The following KIF22 variants were observed in gnomAD, a reference collection of about 807,000 sequenced individuals.
The protein encoded by KIF22 is kinesin family member 22.
A neutral mutation model predicts 73.0 loss-of-function variants in KIF22; 62 were observed. The ratio of observed to expected loss-of-function variants is 0.85; its 90% CI spans 0.69 to 1.05. KIF22 has a LOEUF of 1.05. KIF22 is among the 50% of genes least tolerant of loss of function. The pLI is 0.00. For synonymous variants in KIF22, 411 were observed against 340.1 expected (o/e 1.21, Z -2.29); for missense variants, 854 against 870.1 (o/e 0.98, Z 0.23).
At position 29,803,551 on chromosome 16, in the gene KIF22, C is replaced by A. The variant is rs139450040; in HGVS notation, c.1552C>A (p.Arg518Ser). Reference protein sequence around the residue: ...CPTMLRPLSHRTVTGAKPLKK... With the variant: ...CPTMLRPLSHSTVTGAKPLKK... ...CACAATGCTCCGGCCCCTTTCACATCGCACAGTCACAGGGGCAAAGCCCCT... is the reference window on the plus strand; with the variant it reads ...CACAATGCTCCGGCCCCTTTCACATAGCACAGTCACAGGGGCAAAGCCCCT... The change falls in exon 10 of 14, where the codon CGC (arginine) becomes AGC (serine). Residue 518 changes from arginine (R) to serine (S), a missense_variant. By Grantham distance (110) the Arg-to-Ser change is moderately radical. Around this residue, in one of 3 missense-constraint regions of KIF22, gnomAD observed 423 missense variants for 365.4 expected, o/e 1.16. Transcript: ENST00000160827. The A allele has an allele frequency of 6.2e-7, 1 of 1,613,822 alleles. No homozygotes were observed. Among genetic ancestry groups the A allele is most frequent in the Admixed American group, 1.7e-5 (1 of 60,010 alleles).
intron 1 of KIF22, chr16:29,791,402 C>A: frequency 3.9e-6 from 1 of 257,882 alleles, no homozygotes; most frequent in Non-Finnish European, 6.1e-6. Context: ...TTCACTCTAG[C>A]ATGGAAGTGA....
At position 29,799,260 on chromosome 16, in the gene KIF22, C is replaced by T. The variant is rs1228053012; in HGVS notation, c.760-4C>T. ...AAGCACGAGACCTTTGTTCTTACCCCCAGGTGGACCAGCGGGAACGTTTGG... is the reference window on the plus strand; with the variant it reads ...AAGCACGAGACCTTTGTTCTTACCCTCAGGTGGACCAGCGGGAACGTTTGG... On this transcript the variant is annotated splice_polypyrimidine_tract_variant and splice_region_variant and intron_variant, in intron 5 of 13. Transcript: ENST00000160827. 2 of 1,613,026 alleles carry T rather than the reference C, an allele frequency of 1.2e-6. No individual in the cohort carries two copies. The highest frequency in any genetic ancestry group is 2.2e-5 in the East Asian group (1 of 44,878).
Position 29,798,953 on chromosome 16 carries a change from T to C in KIF22, c.550-22T>C. On this transcript the variant is annotated intron_variant, in intron 4 of 13. Transcript: ENST00000160827. This position sits in a 1 kb window ranked among gnomAD's most constrained non-coding sequence, Gnocchi z 4.1. ...ACAGCCTCTCTATGGAGAATTGCCCTTCCCCTTCACTGCTTACACAGGTAT... is the reference window on the plus strand; with the variant it reads ...ACAGCCTCTCTATGGAGAATTGCCCCTCCCCTTCACTGCTTACACAGGTAT... 1.2e-6 allele frequency: 2 copies of C among 1,610,464 alleles called. No homozygotes were observed. The highest frequency in any genetic ancestry group is 1.7e-6 in the Non-Finnish European group (2 of 1,176,670).
chr16:29,803,376 C>T, intron 9 of KIF22, 73 bp from the exon 10 acceptor site: 1 of 1,576,160 alleles, frequency 6.3e-7, no homozygotes, highest in Non-Finnish European at 8.6e-7. Context: ...TGCATACTCA[C>T]CCTGGTAACC....
chr16:29,790,807 A>T lies in KIF22; in HGVS notation c.48A>T (p.Ala16=), dbSNP rs1567354827. ...AGCAGAGGCGACGCGAGATGGCGGC[A>T]GCTTCAGCGGCGGCGATCTCAGGTA... ...STQQRRREMA[A]ASAAAISGAG... Residue 16 remains alanine (A), a synonymous_variant, in exon 1 of 14, where the codon GCA becomes GCT. Transcript: ENST00000160827. The T allele has an allele frequency of 6.2e-7, 1 of 1,604,976 alleles. No homozygotes were observed. The highest frequency in any genetic ancestry group is 1.7e-5 in the Admixed American group (1 of 59,000).
intron 8 of KIF22, among the ~76,000 whole-genome samples, chr16:29,802,204 G>A (rs1899161956): frequency 6.9e-6 from 1 of 144,978 alleles, no homozygotes; most frequent in African/African-American, 2.6e-5. Context: ...GGAGGCCAAG[G>A]CTATAGTGAG....
At chr16:29,800,401 G>T (rs917241840) in intron 8 of KIF22, among the ~76,000 whole-genome samples, 1 of 152,040 alleles carries the variant, frequency 6.6e-6, no homozygotes, top group Non-Finnish European at 1.5e-5. Flanking sequence ...AGGTTGCAGT[G>T]AGCTGAGATT....
chr16:29,794,914 T>C (rs1391503396), intron 1 of KIF22, among the ~76,000 whole-genome samples: 2 of 152,014 alleles, frequency 1.3e-5, no homozygotes, highest in Admixed American at 6.6e-5. Flanking sequence ...CCAACCTTAT[T>C]TTACAGACAA....
rs757760923 is a variant in KIF22, at chr16:29,796,852, C to A, written c.71-41C>A. 3.1e-6 allele frequency: 5 copies of A among 1,601,280 alleles called. No homozygotes were observed. The South Asian group carries it at 4.4e-5, about 14-fold the overall frequency. ...AAGTTGGTCCCTGCTTCTTCTGCTA[C>A]CACCATACTTCATGTCTAAAAGTGA... On this transcript the variant is annotated intron_variant, in intron 1 of 13. Coordinates refer to ENST00000160827, the MANE Select transcript of KIF22 (RefSeq NM_007317.3).
At chr16:29,791,667 C>T (rs548328218) in intron 1 of KIF22, among the ~76,000 whole-genome samples, 2 of 152,332 alleles carry the variant, frequency 1.3e-5, no homozygotes, top group South Asian at 4.1e-4. Flanking sequence ...TTATTGTCCA[C>T]ACAATGCTAT....
intron 1 of KIF22, among the ~76,000 whole-genome samples, chr16:29,793,125 A>AG (rs1194985798): frequency 6.6e-6 from 1 of 152,282 alleles, no homozygotes; most frequent in African/African-American, 2.4e-5. Context: ...GAGATGGGGA[A>AG]GGAGGGTTCA....
Position 29,803,564 on chromosome 16 carries a change from G to A in KIF22, c.1565G>A (p.Gly522Glu), listed in dbSNP as rs1234228163. Reference sequence around the variant, plus strand: ...CCCCTTTCACATCGCACAGTCACAGGGGCAAAGCCCCTGAAAAAGGCTGTG... The same window carrying A: ...CCCCTTTCACATCGCACAGTCACAGAGGCAAAGCCCCTGAAAAAGGCTGTG... ...LRPLSHRTVT[G>E]AKPLKKAVVM... is the part of the protein sequence containing the mutation. The change falls in exon 10 of 14, where the codon GGG becomes GAG. Residue 522 changes from glycine to glutamate, a missense_variant. By Grantham distance (98) the Gly-to-Glu change is moderately conservative (BLOSUM62 -2). This residue lies in a region of KIF22 where 423 missense variants were observed against 365.4 expected (regional missense o/e 1.16). Transcript: ENST00000160827. 1.2e-6 allele frequency: 2 copies of A among 1,613,198 alleles called. No individual in the cohort carries two copies. Among genetic ancestry groups the A allele is most frequent in the African/African-American group, 2.7e-5 (2 of 74,918 alleles).
At chr16:29,802,569 C>T (rs1022982554) in intron 8 of KIF22, among the ~76,000 whole-genome samples, 200 bp from the exon 9 acceptor site, 1 of 152,116 alleles carries the variant, frequency 6.6e-6, no homozygotes, top group Non-Finnish European at 1.5e-5. Flanking sequence ...CTCAAGTGTT[C>T]GCCTGATTTC....
rs754495075 is a variant in KIF22 at position 29,798,552 on chromosome 16, C to T, written c.395-41C>T. ...TATGGGTCAGAAAGGGCTGGGGAAA[C>T]GGAGAGGAAAACCTCACAGTTTTCT... On this transcript the variant is annotated intron_variant, in intron 3 of 13. Coordinates refer to ENST00000160827, the MANE Select transcript of KIF22 (RefSeq NM_007317.3). This position sits in a 1 kb window ranked among gnomAD's most constrained non-coding sequence, Gnocchi z 4.1. 2.5e-5 allele frequency: 41 copies of T among 1,613,612 alleles called. No individual in the cohort carries two copies. The highest frequency in any genetic ancestry group is 1.8e-4 in the East Asian group (8 of 44,890).
chr16:29,800,352 G>C (rs1029260532), intron 8 of KIF22: 1 of 227,022 alleles, frequency 4.4e-6, no homozygotes, highest in Non-Finnish European at 8.8e-6. Flanking sequence ...AGCTACTTGG[G>C]AGGCTGAGGC....
intron 9 of KIF22, 88 bp downstream of exon 9, chr16:29,803,025 T>G: frequency 1.5e-6 from 2 of 1,333,318 alleles, no homozygotes; most frequent in Non-Finnish European, 2.1e-6. Context: ...ACACTCAGGC[T>G]GGACTAGAGT....
In KIF22 at chr16:29,798,277, A is replaced by C; in HGVS notation, c.267-97A>C. The C allele has an allele frequency of 8.0e-5, 121 of 1,518,914 alleles. No homozygotes were observed. Among genetic ancestry groups the C allele is most frequent in the Non-Finnish European group, 9.6e-5 (109 of 1,132,270 alleles). The allele number at this position is 1,518,914 out of a possible 1,614,324, so 94.1% of individuals were successfully genotyped here. Reference sequence around the variant, plus strand: ...TTAAATCCAAGGTCCAGATGAGAGTAGAATCCCTTACCCACCCCCACCCCA... The same window carrying C: ...TTAAATCCAAGGTCCAGATGAGAGTCGAATCCCTTACCCACCCCCACCCCA... On this transcript the variant is annotated intron_variant, in intron 2 of 13. Coordinates refer to ENST00000160827, the MANE Select transcript of KIF22 (RefSeq NM_007317.3). This position sits in a 1 kb window ranked among gnomAD's most constrained non-coding sequence, Gnocchi z 4.1.
chr16:29,793,529 G>A (rs1261014314), intron 1 of KIF22, among the ~76,000 whole-genome samples: 1 of 152,196 alleles, frequency 6.6e-6, no homozygotes, highest in Non-Finnish European at 1.5e-5. Context: ...GCTGTAAGAT[G>A]TTACTGAAGC....
intron 11 of KIF22, 82 bp downstream of exon 11, chr16:29,804,147 T>TG: frequency 1.7e-6 from 2 of 1,184,710 alleles, no homozygotes; most frequent in South Asian, 1.2e-5. Flanking sequence ...GCGTTGGCCT[T>TG]GGGGTTAAAC....
Sources: allele counts gnomAD v4.1 joint callset (sites outside exome capture counted in the v4.1 genomes callset), GRCh38; gene constraint gnomAD v4.1.1; regional missense constraint gnomAD v4.1.1; non-coding constraint Gnocchi (gnomAD v3.1); transcripts MANE v1.5; gene names NCBI Gene and HGNC (gene_info 2026-07-23, HGNC 2026-07-21).